CNNM2: variants seen among roughly 807,000 people sequenced by gnomAD.
CNNM2 encodes the protein metal transporter CNNM2.
Under a neutral mutation model 66.9 loss-of-function variants are expected in CNNM2, and 12 were observed. The ratio of observed to expected loss-of-function variants is 0.18; its 90% CI spans 0.11 to 0.29. The LOEUF is 0.29. Ranked by LOEUF, CNNM2 falls within the 10% of genes least tolerant of loss-of-function variation. The pLI, the probability that CNNM2 is intolerant of heterozygous loss-of-function variation, is 1.00. For missense variants in CNNM2, 705 were observed against 1,167.7 expected (o/e 0.60, Z 5.77); for synonymous variants, 557 against 501.8 (o/e 1.11, Z -1.47).
chr10:102,982,906 A>G (rs1473472343), intron 1 of CNNM2, among the ~76,000 whole-genome samples: 1 of 152,258 alleles, frequency 6.6e-6, no homozygotes, highest in Non-Finnish European at 1.5e-5. Flanking sequence ...GAAAATTAAC[A>G]TTAATTAAAC....
At chr10:102,959,720 G>T (rs1015302027) in intron 1 of CNNM2, among the ~76,000 whole-genome samples, 2 of 152,268 alleles carry the variant, frequency 1.3e-5, no homozygotes, top group South Asian at 2.1e-4. Flanking sequence ...AGGATTACAG[G>T]CATGCGCCAC....
intron 1 of CNNM2, among the ~76,000 whole-genome samples, chr10:103,014,960 A>G (rs1395094412): frequency 6.6e-6 from 1 of 152,206 alleles, no homozygotes; most frequent in Non-Finnish European, 1.5e-5. Context: ...TACAAATTTA[A>G]TATATCTGAT....
At chr10:103,073,868 CAAAAAAA>C (rs61331007) in intron 6 of CNNM2, among the ~76,000 whole-genome samples, 5 of 70,242 alleles carry the variant, frequency 7.1e-5, no homozygotes, top group South Asian at 6.3e-4. Context: ...GACTCCGTCT[CAAAAAAA>C]AAAAAAAAAA....
chr10:103,006,624 G>T (rs1341825267), intron 1 of CNNM2, among the ~76,000 whole-genome samples: 1 of 151,940 alleles, frequency 6.6e-6, no homozygotes, highest in Non-Finnish European at 1.5e-5. Context: ...ACTGAATTTT[G>T]TCAAATGCTG....
chr10:103,013,941 T>C (rs1342162728), intron 1 of CNNM2, among the ~76,000 whole-genome samples: 2 of 152,232 alleles, frequency 1.3e-5, no homozygotes, highest in African/African-American at 4.8e-5. Flanking sequence ...TGAGCTCTCA[T>C]CGTCTAATCC....
chr10:103,046,975 G>A (rs887272333), intron 1 of CNNM2, among the ~76,000 whole-genome samples: 3 of 152,134 alleles, frequency 2.0e-5, no homozygotes, highest in African/African-American at 7.2e-5. Flanking sequence ...TGTTTGGTCC[G>A]AAATCTTCTT....
chr10:103,071,092 G>A (rs184775161), intron 5 of CNNM2, among the ~76,000 whole-genome samples: 72 of 152,214 alleles, frequency 4.7e-4, no homozygotes, highest in Middle Eastern at 3.4e-3. Flanking sequence ...ATTGATGTTC[G>A]CTGTCTGGGG....
chr10:102,977,910 T>TTTG (rs1184516062), intron 1 of CNNM2, among the ~76,000 whole-genome samples: 6 of 151,842 alleles, frequency 4.0e-5, no homozygotes, highest in Admixed American at 3.3e-4. Flanking sequence ...TGGGACCTAT[T>TTTG]TTGTTGTTGT....
rs114812855 is a variant in CNNM2 at position 103,062,937 on chromosome 10, C to T, written c.2074-5692C>T. ...GAACGGCAGATCCTTCAGTATGAAA[C>T]GAATGCTTCAGTAGGTCTGGGGTGG... is the stretch of plus-strand genomic sequence containing the variant. On this transcript the variant is annotated intron_variant, in intron 4 of 7. Coordinates refer to ENST00000369878, the MANE Select transcript of CNNM2 (RefSeq NM_017649.5). Among the ~76,000 whole-genome samples, 346 of 152,292 alleles carry T rather than the reference C, an allele frequency of 2.3e-3. 4 individuals carry two copies. Among genetic ancestry groups the T allele is most frequent in the African/African-American group, 7.9e-3 (328 of 41,556 alleles).
chr10:103,071,960 G>A (rs545977469), intron 6 of CNNM2, 121 bp downstream of exon 6: 68 of 866,226 alleles, frequency 7.9e-5, no homozygotes, highest in Non-Finnish European at 1.2e-4. Flanking sequence ...TCCTTGGAGC[G>A]CTAAAGCTCT....
At chr10:103,015,418 C>T (rs1410369758) in intron 1 of CNNM2, among the ~76,000 whole-genome samples, 4 of 152,172 alleles carry the variant, frequency 2.6e-5, no homozygotes, top group African/African-American at 9.7e-5. Flanking sequence ...CTGATTTGCA[C>T]TGATAGAACT....
At chr10:102,981,787 A>T (rs1435917667) in intron 1 of CNNM2, among the ~76,000 whole-genome samples, 1 of 151,292 alleles carries the variant, frequency 6.6e-6, no homozygotes, top group Non-Finnish European at 1.5e-5. Flanking sequence ...TGCACATAAT[A>T]GTAAGTGTTT....
chr10:103,057,074 A>G (rs2065307380), intron 4 of CNNM2, 110 bp downstream of exon 4: 2 of 1,042,064 alleles, frequency 1.9e-6, no homozygotes, highest in Admixed American at 2.4e-5. Context: ...TATAGGGGGT[A>G]GCCTTAGACA....
At chr10:103,029,955 G>A (rs1400378469) in intron 1 of CNNM2, among the ~76,000 whole-genome samples, 1 of 152,152 alleles carries the variant, frequency 6.6e-6, no homozygotes, top group Non-Finnish European at 1.5e-5. Flanking sequence ...AGGCTTTGTG[G>A]GAACAGTGAC....
intron 1 of CNNM2, among the ~76,000 whole-genome samples, chr10:102,973,308 G>T (rs775569431): frequency 6.6e-6 from 1 of 151,502 alleles, no homozygotes; most frequent in Non-Finnish European, 1.5e-5. Context: ...CTAGGGTCTC[G>T]CTCTGTTGCC....
Position 103,056,895 on chromosome 10 carries a change from C to T in CNNM2, c.2004C>T (p.Asn668=), listed in dbSNP as rs750649461. The T allele has an allele frequency of 4.3e-5, 70 of 1,613,850 alleles. No homozygotes were observed. Among genetic ancestry groups the T allele is most frequent in the Non-Finnish European group, 5.8e-5 (68 of 1,179,890 alleles). Reference sequence around the variant, plus strand: ...AGGAACTGAAATATGATGAGAAGAACAAGAAAGCCCCCGAATACTACCTCT... The same window carrying T: ...AGGAACTGAAATATGATGAGAAGAATAAGAAAGCCCCCGAATACTACCTCT... ...VIQELKYDEK[N]KKAPEYYLYQ... is the part of the protein sequence containing the mutation. The change falls in exon 4 of 8, where the codon AAC becomes AAT. Residue 668 remains asparagine, a synonymous_variant. Coordinates refer to ENST00000369878, the MANE Select transcript of CNNM2 (RefSeq NM_017649.5).
chr10:103,090,175 A>G lies in CNNM2; in HGVS notation c.*12995A>G. Reference sequence around the variant, plus strand: ...GAGTTTACTTTCTATTTTACAGCAAAAACAAGATAGTCCTGAAACAGATCA... The same window carrying G: ...GAGTTTACTTTCTATTTTACAGCAAGAACAAGATAGTCCTGAAACAGATCA... On this transcript the variant is annotated 3_prime_UTR_variant, in exon 8 of 8. Coordinates refer to ENST00000369878, the MANE Select transcript of CNNM2 (RefSeq NM_017649.5). 1 of 408,524 alleles carries G rather than the reference A, an allele frequency of 2.4e-6. No individual in the cohort carries two copies. The highest frequency in any genetic ancestry group is 4.3e-6 in the Non-Finnish European group (1 of 230,322). The allele number at this position is 408,524 out of a possible 1,614,324, so 25.3% of individuals were successfully genotyped here.
At chr10:103,017,962 T>TAAAAAAAAAAA (rs2064487247) in intron 1 of CNNM2, among the ~76,000 whole-genome samples, 2 of 36,384 alleles carry the variant, frequency 5.5e-5, no homozygotes, top group Non-Finnish European at 1.3e-4. Flanking sequence ...AGAATCTGTC[T>TAAAAAAAAAAA]CAAAAAAAAA....
At chr10:102,999,376 C>T (rs964484814) in intron 1 of CNNM2, among the ~76,000 whole-genome samples, 3 of 151,668 alleles carry the variant, frequency 2.0e-5, no homozygotes, top group African/African-American at 7.3e-5. Flanking sequence ...GCCACTGCAC[C>T]CGGCCAAAAA....
Sources: allele counts gnomAD v4.1 joint callset (sites outside exome capture counted in the v4.1 genomes callset), GRCh38; gene constraint gnomAD v4.1.1; transcripts MANE v1.5; gene names NCBI Gene and HGNC (gene_info 2026-07-23, HGNC 2026-07-21).